The following KCNQ1 variants were observed in gnomAD, a reference collection of about 807,000 sequenced individuals.
KCNQ1 encodes potassium voltage-gated channel subfamily KQT member 1.
KCNQ1 carries 49 observed loss-of-function variants against 72.4 expected under a neutral mutation model. The ratio of observed to expected loss-of-function variants is 0.68; its 90% CI spans 0.54 to 0.86. The LOEUF is 0.86. Among genes scored for constraint, KCNQ1 ranks in the 40% least tolerant of loss-of-function variants. KCNQ1 has a pLI of 0.00. For synonymous variants in KCNQ1, 450 were observed against 412.6 expected, an observed-to-expected ratio of 1.09 and a Z score of -1.10; for missense variants, 790 against 945.1, an observed-to-expected ratio of 0.84 and a Z score of 2.15.
chr11:2,803,404 T>C lies in KCNQ1; in HGVS notation c.1794+25367T>C, dbSNP rs1298143079. On this transcript the variant is annotated intron_variant, in intron 15 of 15. Coordinates refer to ENST00000155840, the MANE Select transcript of KCNQ1 (RefSeq NM_000218.3). The surrounding 1 kb of genome is among the most constrained non-coding windows in gnomAD (Gnocchi z 6.4). ...AGTTCCCATGGTGTGTGTAGAATGA[T>C]ATTCCCTCCAGACCACGGTGCCTTC... Among the ~76,000 whole-genome samples the C allele has an allele frequency of 6.6e-6, 1 of 152,188 alleles. No individual in the cohort carries two copies. Among genetic ancestry groups the C allele is most frequent in the Admixed American group, 6.5e-5 (1 of 15,280 alleles).
chr11:2,831,503 T>G (rs1847949887), intron 15 of KCNQ1, among the ~76,000 whole-genome samples: 1 of 152,094 alleles, frequency 6.6e-6, no homozygotes, highest in South Asian at 2.1e-4. Context: ...TCTGGTACTC[T>G]GTGCCCTGAA....
At chr11:2,502,318 T>C (rs1034137106) in intron 1 of KCNQ1, among the ~76,000 whole-genome samples, 9 of 152,204 alleles carry the variant, frequency 5.9e-5, no homozygotes, top group African/African-American at 2.2e-4. Flanking sequence ...ACAAAAAAAC[T>C]ATTAGAACTG....
rs1287853854 is a variant in KCNQ1, at chr11:2,549,808, T to G, written c.478-20820T>G. Among the ~76,000 whole-genome samples the G allele has an allele frequency of 6.6e-6, 1 of 152,080 alleles. No individual in the cohort carries two copies. The highest frequency in any genetic ancestry group is 1.5e-5 in the Non-Finnish European group (1 of 67,968). On this transcript the variant is annotated intron_variant, in intron 2 of 15. Transcript: ENST00000155840. This position sits in a 1 kb window ranked among gnomAD's most constrained non-coding sequence, Gnocchi z 6.2. The stretch of plus-strand genomic sequence containing the variant: ...GTACCCCAGGCCCCTATGCGCCTCC[T>G]TCCCCATGACTGGCCCTGGGTGGCG...
chr11:2,546,399 G>T (rs1223829965), intron 2 of KCNQ1, among the ~76,000 whole-genome samples: 1 of 152,200 alleles, frequency 6.6e-6, no homozygotes, highest in Non-Finnish European at 1.5e-5. Context: ...CTTGGAAAGA[G>T]TGTGTACTGC....
chr11:2,629,384 A>G (rs1327893368), intron 10 of KCNQ1: 1 of 398,356 alleles, frequency 2.5e-6, no homozygotes, highest in African/African-American at 2.1e-5. Flanking sequence ...TTCATATTAT[A>G]TCCAAATGAA....
chr11:2,627,154 C>T lies in KCNQ1; in HGVS notation c.1394-34807C>T, dbSNP rs1017686511. 2.5e-6 allele frequency: 1 copy of T among 398,240 alleles called. No homozygotes were observed. Among genetic ancestry groups the T allele is most frequent in the Admixed American group, 4.4e-5 (1 of 22,686 alleles). The allele number at this position is 398,240 out of a possible 1,614,324, so 24.7% of individuals were successfully genotyped here. On this transcript the variant is annotated intron_variant, in intron 10 of 15. Transcript: ENST00000155840. This position sits in a 1 kb window ranked among gnomAD's most constrained non-coding sequence, Gnocchi z 4.9. The stretch of plus-strand genomic sequence containing the variant: ...TTCACCTCCTTGGTAAAGTTGGTTC[C>T]TAAGTTTGTTATTCTTGATGCTTTT...
In KCNQ1 at chr11:2,627,826, C is replaced by T. The variant is rs1479363097; in HGVS notation, c.1394-34135C>T. ...AGTACAGTGGCACAATCACAGTTCA[C>T]TGTAGCCTCAACCTCATGGGCTCAA... On this transcript the variant is annotated intron_variant, in intron 10 of 15. Coordinates refer to ENST00000155840, the MANE Select transcript of KCNQ1 (RefSeq NM_000218.3). The surrounding 1 kb of genome is among the most constrained non-coding windows in gnomAD (Gnocchi z 4.9). 2.5e-6 allele frequency: 1 copy of T among 398,396 alleles called. No individual in the cohort carries two copies. The highest frequency in any genetic ancestry group is 2.1e-5 in the African/African-American group (1 of 48,616). 24.7% of individuals were successfully genotyped at this position (398,396 alleles called of 1,614,324 possible). A position where few individuals can be genotyped will look rare whatever the true frequency, so the allele number is the denominator to read the frequency against.
intron 10 of KCNQ1, chr11:2,625,578 CT>C (rs35148119): frequency 0.59 from 203,015 of 346,108 alleles, 33,970 homozygotes; most frequent in Admixed American, 0.69. Flanking sequence ...GTCCTTTGCC[CT>C]TTTTTTTTTT....
At chr11:2,490,723 T>C (rs977649868) in intron 1 of KCNQ1, among the ~76,000 whole-genome samples, 1 of 152,160 alleles carries the variant, frequency 6.6e-6, no homozygotes, top group African/African-American at 2.4e-5. Context: ...AGTTTCACTC[T>C]TGTTGCCAAG....
intron 10 of KCNQ1, chr11:2,637,494 T>C (rs1292475006): frequency 1.3e-5 from 2 of 152,246 alleles, no homozygotes; most frequent in African/African-American, 2.4e-5. Context: ...TTGAGCGGTT[T>C]TGAGTGAGTT....
At position 2,464,330 on chromosome 11, in the gene KCNQ1, A is replaced by G. The variant is rs1199087778; in HGVS notation, c.386+18846A>G. ...TCATCTGAATTTTCTAATTAAAAATATATTGCTTTTTAAAAATAATAAAAG... is the reference window on the plus strand; with the variant it reads ...TCATCTGAATTTTCTAATTAAAAATGTATTGCTTTTTAAAAATAATAAAAG... On this transcript the variant is annotated intron_variant, in intron 1 of 15. Transcript: ENST00000155840. The surrounding 1 kb of genome is among the most constrained non-coding windows in gnomAD (Gnocchi z 5.0). Among the ~76,000 whole-genome samples, 1 of 152,234 alleles carries G rather than the reference A, an allele frequency of 6.6e-6. No individual in the cohort carries two copies. The highest frequency in any genetic ancestry group is 2.4e-5 in the African/African-American group (1 of 41,462).
In KCNQ1 at chr11:2,515,716, G is replaced by A. The variant is rs547451764; in HGVS notation, c.387-12212G>A. ...GGTCACTTCAGTTTGTCCTCCCGGC[G>A]CCTTCTAAATATACTCTCTGTGGGT... is the stretch of plus-strand genomic sequence containing the variant. On this transcript the variant is annotated intron_variant, in intron 1 of 15. Coordinates refer to ENST00000155840, the MANE Select transcript of KCNQ1 (RefSeq NM_000218.3). The surrounding 1 kb of genome is among the most constrained non-coding windows in gnomAD (Gnocchi z 4.7). 2.6e-5 allele frequency among the ~76,000 whole-genome samples: 4 copies of A among 152,220 alleles called. No individual in the cohort carries two copies. The highest frequency in any genetic ancestry group is 4.4e-5 in the Non-Finnish European group (3 of 67,996).
At chr11:2,718,050 C>A (rs1450124605) in intron 11 of KCNQ1, among the ~76,000 whole-genome samples, 2 of 151,804 alleles carry the variant, frequency 1.3e-5, no homozygotes, top group Admixed American at 6.6e-5. Flanking sequence ...AGTCTCAGGG[C>A]ATGTTCAATG....
At chr11:2,814,025 G>GGATGGATC in intron 15 of KCNQ1, among the ~76,000 whole-genome samples, 1 of 151,478 alleles carries the variant, frequency 6.6e-6, no homozygotes, top group African/African-American at 2.4e-5. Flanking sequence ...GATGATGGAT[G>GGATGGATC]GATGGGTGTG....
chr11:2,752,288 A>T lies in KCNQ1; in HGVS notation c.1515-16556A>T, dbSNP rs1846239467. ...CATGGAGCTGATCTGAACCCAGCTGAGTGGCTTCCATGGAGCTGATCTGAA... is the reference window on the plus strand; with the variant it reads ...CATGGAGCTGATCTGAACCCAGCTGTGTGGCTTCCATGGAGCTGATCTGAA... On this transcript the variant is annotated intron_variant, in intron 11 of 15. Coordinates refer to ENST00000155840, the MANE Select transcript of KCNQ1 (RefSeq NM_000218.3). This position sits in a 1 kb window ranked among gnomAD's most constrained non-coding sequence, Gnocchi z 5.2. 6.6e-6 allele frequency among the ~76,000 whole-genome samples: 1 copy of T among 152,016 alleles called. No individual in the cohort carries two copies. The highest frequency in any genetic ancestry group is 1.5e-5 in the Non-Finnish European group (1 of 68,032).
At position 2,575,795 on chromosome 11, in the gene KCNQ1, C is replaced by G. The variant is rs1485632644; in HGVS notation, c.921+2809C>G. Among the ~76,000 whole-genome samples the G allele has an allele frequency of 2.6e-5, 4 of 152,200 alleles. No individual in the cohort carries two copies. In the East Asian group the frequency reaches 5.8e-4, roughly 22 times the overall value. On this transcript the variant is annotated intron_variant, in intron 6 of 15. Transcript: ENST00000155840. ...CCTGGACTCTGTGGACTCCTCACCC[C>G]TCAGACACACCCTGAGAGGGTGCTG...
chr11:2,641,908 T>G, intron 10 of KCNQ1: 3 of 398,472 alleles, frequency 7.5e-6, no homozygotes, highest in Non-Finnish European at 8.9e-6. Flanking sequence ...CCAGTGTATG[T>G]TCTTGGCATC....
At chr11:2,736,541 G>A (rs1055125887) in intron 11 of KCNQ1, among the ~76,000 whole-genome samples, 10 of 152,166 alleles carry the variant, frequency 6.6e-5, no homozygotes, top group Non-Finnish European at 1.3e-4. Flanking sequence ...GGCCCTAGGA[G>A]GGGGCTTTGG....
intron 15 of KCNQ1, among the ~76,000 whole-genome samples, chr11:2,791,649 C>G (rs1384723701): frequency 6.6e-6 from 1 of 152,042 alleles, no homozygotes; most frequent in Non-Finnish European, 1.5e-5. Context: ...CGGGCCCTCC[C>G]CGTCAGGTGT....
Sources: gnomAD v4.1 joint callset for allele counts (sites outside exome capture counted in the v4.1 genomes callset) on GRCh38, gnomAD v4.1.1 for gene constraint, Gnocchi (gnomAD v3.1) non-coding constraint, MANE v1.5 for transcripts, NCBI Gene and HGNC (gene_info 2026-07-23, HGNC 2026-07-21) for gene names.